The following LARGE1 variants were observed in gnomAD, a reference collection of about 807,000 sequenced individuals.
The protein encoded by LARGE1 is LARGE xylosyl- and glucuronyltransferase 1, also known as xylosyl- and glucuronyltransferase LARGE1.
In LARGE1, 43 loss-of-function variants were observed where a neutral mutation model predicts 87.6. That is an observed-to-expected ratio of 0.49 (90% CI 0.38 to 0.63). The LOEUF (loss-of-function observed/expected upper bound fraction) is 0.63. Ranked by LOEUF, LARGE1 falls within the 30% of genes least tolerant of loss-of-function variation. The probability of loss-of-function intolerance (pLI) is 0.00; values close to 1 mark genes in which losing one functional copy is unlikely to be tolerated. For synonymous variants in LARGE1, 434 were observed against 394.6 expected (o/e 1.10, Z -1.18); for missense variants, 802 against 1,000.2 (o/e 0.80, Z 2.67).
At position 33,366,386 on chromosome 22, in the gene LARGE1, A is replaced by C. The variant is rs147768080; in HGVS notation, c.1131+15533T>G. On this transcript the variant is annotated intron_variant, in intron 9 of 14. Coordinates refer to ENST00000397394, the MANE Select transcript of LARGE1 (RefSeq NM_133642.5). Reference sequence around the variant, plus strand: ...CTAGTTACTATTTATGAGAGTTTTTATCATGAATGAGCACGTAATTTTGTC... The same window carrying C: ...CTAGTTACTATTTATGAGAGTTTTTCTCATGAATGAGCACGTAATTTTGTC... Among the ~76,000 whole-genome samples the C allele has an allele frequency of 2.4e-3, 371 of 152,360 alleles. 1 individual carries two copies. The highest frequency in any genetic ancestry group is 8.4e-3 in the African/African-American group (351 of 41,570).
In LARGE1 at chr22:33,400,782, G is replaced by A. The variant is rs144811060; in HGVS notation, c.893-16478C>T. Among the ~76,000 whole-genome samples the A allele has an allele frequency of 3.9e-5, 6 of 152,290 alleles. No individual in the cohort carries two copies. In the East Asian group the frequency reaches 9.6e-4, roughly 24 times the overall value. On this transcript the variant is annotated intron_variant, in intron 7 of 14. Transcript: ENST00000397394. The stretch of plus-strand genomic sequence containing the variant: ...GTATGCCTTCATTATTCACTCATTC[G>A]CATGCTCAGAAAAAAAGCAGACGCT...
intron 9 of LARGE1, among the ~76,000 whole-genome samples, chr22:33,357,454 A>G (rs1027315259): frequency 5.9e-5 from 9 of 152,206 alleles, no homozygotes; most frequent in African/African-American, 1.9e-4. Flanking sequence ...CTTCATCACT[A>G]TGTAATATAT....
chr22:33,760,641 G>A (rs2084692674), intron 2 of LARGE1, among the ~76,000 whole-genome samples: 1 of 152,194 alleles, frequency 6.6e-6, no homozygotes, highest in African/African-American at 2.4e-5. Context: ...CAACAACACA[G>A]CCAGGCGCAG....
intron 2 of LARGE1, chr22:33,725,970 G>A (rs2083259828): frequency 6.6e-6 from 1 of 152,080 alleles, no homozygotes; most frequent in African/African-American, 2.4e-5. Context: ...CTGGTACATA[G>A]TAGGTTCGGA....
intron 2 of LARGE1, among the ~76,000 whole-genome samples, chr22:33,720,794 T>C (rs2083072815): frequency 6.6e-6 from 1 of 152,156 alleles, no homozygotes; most frequent in Non-Finnish European, 1.5e-5. Context: ...CACTGGTGGT[T>C]TAAGCAAGGG....
chr22:33,657,457 T>C (rs240343), intron 2 of LARGE1, among the ~76,000 whole-genome samples: 97,121 of 152,054 alleles, frequency 0.64, 31,544 homozygotes, highest in Middle Eastern at 0.73. Context: ...AGAGAGTCAA[T>C]GTGCTTTACT....
At chr22:33,381,108 G>GTTTT (rs1278230136) in intron 9 of LARGE1, among the ~76,000 whole-genome samples, 1 of 152,150 alleles carries the variant, frequency 6.6e-6, no homozygotes. Context: ...ACACCATACT[G>GTTTT]GCTTGCTGAG....
intron 2 of LARGE1, among the ~76,000 whole-genome samples, chr22:33,757,995 G>A (rs901250736): frequency 5.3e-5 from 8 of 152,080 alleles, no homozygotes; most frequent in Non-Finnish European, 1.2e-4. Flanking sequence ...TGCCTGTCTC[G>A]CTCAGCTCCC....
intron 1 of LARGE1, among the ~76,000 whole-genome samples, chr22:33,878,129 C>CTTTTTTTTTGTTTTTTTTTTTTTTT (rs2064532987): frequency 2.2e-5 from 1 of 44,652 alleles, no homozygotes; most frequent in Non-Finnish European, 5.1e-5. Context: ...TATTGTATTT[C>CTTTTTTTTTGTTTTTTTTTTTTTTT]TTTTTTTTTT....
intron 5 of LARGE1, among the ~76,000 whole-genome samples, chr22:33,566,068 A>T (rs2078016560): frequency 9.3e-6 from 1 of 107,752 alleles, no homozygotes; most frequent in African/African-American, 3.3e-5. Context: ...GATTCCAAAA[A>T]ATATTGATCT....
intron 9 of LARGE1, among the ~76,000 whole-genome samples, chr22:33,342,570 A>T (rs896861332): frequency 6.6e-6 from 1 of 152,172 alleles, no homozygotes; most frequent in African/African-American, 2.4e-5. Flanking sequence ...AGGGCTGAGC[A>T]TTTTACAGAT....
intron 2 of LARGE1, among the ~76,000 whole-genome samples, chr22:33,697,549 CAAAAAAAAAA>C (rs3072289): frequency 5.5e-5 from 3 of 54,094 alleles, no homozygotes; most frequent in South Asian, 2.4e-3. Flanking sequence ...GACTCTGTCC[CAAAAAAAAAA>C]AAAAAAAAAA....
intron 6 of LARGE1, among the ~76,000 whole-genome samples, chr22:33,467,598 T>C (rs1289066160): frequency 6.6e-6 from 1 of 152,220 alleles, no homozygotes; most frequent in Non-Finnish European, 1.5e-5. Flanking sequence ...GAATAGAGCA[T>C]CGCCCATAAT....
rs1928517604 is a variant in LARGE1, at chr22:33,273,374, C to T, written c.*1053G>A. 2.5e-6 allele frequency: 1 copy of T among 398,914 alleles called. No individual in the cohort carries two copies. Among genetic ancestry groups the T allele is most frequent in the Non-Finnish European group, 4.4e-6 (1 of 226,084 alleles). 24.7% of individuals were successfully genotyped at this position (398,914 alleles called of 1,614,324 possible). On this transcript the variant is annotated 3_prime_UTR_variant, in exon 15 of 15. Transcript: ENST00000397394. ...ACCAGAGGAACCCAATCACTTTCTTCCTGTAGGTCTCCAGATGGATACGTG... is the reference window on the plus strand; with the variant it reads ...ACCAGAGGAACCCAATCACTTTCTTTCTGTAGGTCTCCAGATGGATACGTG...
At chr22:33,657,723 G>A (rs187542817) in intron 2 of LARGE1, among the ~76,000 whole-genome samples, 5 of 152,136 alleles carry the variant, frequency 3.3e-5, no homozygotes, top group East Asian at 3.9e-4. Context: ...CAGGTGCCAC[G>A]GATAACATTC....
chr22:33,399,218 C>T (rs536410964), intron 7 of LARGE1, among the ~76,000 whole-genome samples: 2 of 151,750 alleles, frequency 1.3e-5, no homozygotes, highest in South Asian at 2.1e-4. Context: ...CTCTCACTTA[C>T]GAGTGAGAAC....
intron 9 of LARGE1, among the ~76,000 whole-genome samples, chr22:33,364,141 G>GC (rs1006873245): frequency 2.0e-5 from 3 of 151,508 alleles, no homozygotes; most frequent in African/African-American, 4.8e-5. Context: ...TGCAAACTCC[G>GC]CCCCCCGGGT....
intron 2 of LARGE1, among the ~76,000 whole-genome samples, chr22:33,696,166 A>C (rs1224632796): frequency 6.6e-6 from 1 of 152,170 alleles, no homozygotes; most frequent in African/African-American, 2.4e-5. Context: ...TTTTGCAATA[A>C]CAGTTTCATA....
chr22:33,316,521 G>A (rs949926757), intron 10 of LARGE1, among the ~76,000 whole-genome samples: 1 of 151,530 alleles, frequency 6.6e-6, no homozygotes, highest in Non-Finnish European at 1.5e-5. Flanking sequence ...CGAGCAGATC[G>A]CTTGAGCCTG....
Sources: allele counts gnomAD v4.1 joint callset (sites outside exome capture counted in the v4.1 genomes callset), GRCh38; gene constraint gnomAD v4.1.1; transcripts MANE v1.5; gene names NCBI Gene and HGNC (gene_info 2026-07-23, HGNC 2026-07-21).